CEP170: variants seen among roughly 807,000 people sequenced by gnomAD.
CEP170 encodes the protein centrosomal protein 170.
A neutral mutation model predicts 151.9 loss-of-function variants in CEP170; 21 were observed. That is an observed-to-expected ratio of 0.14 (90% CI 0.10 to 0.20). CEP170 has a LOEUF of 0.20. Ranked by LOEUF, CEP170 falls within the 10% of genes least tolerant of loss-of-function variation. The pLI, the probability that CEP170 is intolerant of heterozygous loss-of-function variation, is 1.00. For missense variants in CEP170, 964 were observed against 1,892.9 expected, an observed-to-expected ratio of 0.51 and a Z score of 9.11; for synonymous variants, 356 against 648.8, an observed-to-expected ratio of 0.55 and a Z score of 6.86.
rs1295977042 is a variant in CEP170, at chr1:243,126,614, C to T, written c.4590G>A (p.Pro1530=). 4 of 1,571,772 alleles carry T rather than the reference C, an allele frequency of 2.5e-6. No homozygotes were observed. The highest frequency in any genetic ancestry group is 1.9e-5 in the Admixed American group (1 of 52,926). The change falls in exon 20 of 20, where the codon CCG becomes CCA. Residue 1530 remains proline, a synonymous_variant. Coordinates refer to ENST00000366542, the MANE Select transcript of CEP170 (RefSeq NM_014812.3). ...KSSPVNNHHS[P]GQTPTLGQPE... ...GTTGGCCAAGTGTTGGTGTCTGACC[C>T]GGGCTGTGGTGGTTATTCACAGGGC... is the stretch of plus-strand genomic sequence containing the variant.
At chr1:243,247,502 C>T (rs866477416) in intron 1 of CEP170, among the ~76,000 whole-genome samples, 11 of 152,120 alleles carry the variant, frequency 7.2e-5, no homozygotes, top group Admixed American at 5.9e-4. Context: ...TACAGGCCTG[C>T]GCCACCACGC....
rs1297253446 is a variant in CEP170 at position 243,185,157 on chromosome 1, C to A, written c.1566+622G>T. On this transcript the variant is annotated intron_variant, in intron 10 of 19. Coordinates refer to ENST00000366542, the MANE Select transcript of CEP170 (RefSeq NM_014812.3). This position sits in a 1 kb window ranked among gnomAD's most constrained non-coding sequence, Gnocchi z 4.9. ...TGCAACAATCCTTACACACGCTAAC[C>A]AATAATATCAAAGAATACACTTGAA... 2.6e-5 allele frequency among the ~76,000 whole-genome samples: 4 copies of A among 152,114 alleles called. No homozygotes were observed. Among genetic ancestry groups the A allele is most frequent in the African/African-American group, 7.2e-5 (3 of 41,412 alleles).
intron 1 of CEP170, among the ~76,000 whole-genome samples, chr1:243,232,198 C>A (rs1361199166): frequency 6.6e-6 from 1 of 152,080 alleles, no homozygotes; most frequent in African/African-American, 2.4e-5. Flanking sequence ...CTCATGAGTT[C>A]AAGCAATCCA....
At chr1:243,168,983 AAATTTT>A (rs2058636462) in intron 12 of CEP170, among the ~76,000 whole-genome samples, 1 of 129,688 alleles carries the variant, frequency 7.7e-6, no homozygotes, top group African/African-American at 3.0e-5. Flanking sequence ...GCTTATTTTT[AAATTTT>A]AACTTATATA....
At chr1:243,237,847 G>A (rs1185614592) in intron 1 of CEP170, among the ~76,000 whole-genome samples, 1 of 152,176 alleles carries the variant, frequency 6.6e-6, no homozygotes, top group African/African-American at 2.4e-5. Flanking sequence ...GGAGGTCGCA[G>A]TGGGCCAAGA....
intron 10 of CEP170, among the ~76,000 whole-genome samples, chr1:243,174,700 A>T (rs2059109174): frequency 6.6e-6 from 1 of 152,228 alleles, no homozygotes; most frequent in Non-Finnish European, 1.5e-5. Context: ...TTTATTTTAA[A>T]TCAAATATGA....
chr1:243,244,016 T>C (rs1011732095), intron 1 of CEP170, among the ~76,000 whole-genome samples: 1 of 152,164 alleles, frequency 6.6e-6, no homozygotes, highest in Non-Finnish European at 1.5e-5. Flanking sequence ...ATAACAGTGA[T>C]TGGTTGGAAA....
At chr1:243,196,849 C>A (rs1025698086) in intron 7 of CEP170, among the ~76,000 whole-genome samples, 48 of 151,990 alleles carry the variant, frequency 3.2e-4, no homozygotes, top group Non-Finnish European at 4.4e-5. Context: ...ATACAGACAT[C>A]ATTTAGAATG....
chr1:243,156,093 G>A (rs2148461216), intron 14 of CEP170, 128 bp downstream of exon 14: 1 of 1,279,784 alleles, frequency 7.8e-7, no homozygotes, highest in South Asian at 1.6e-5. Flanking sequence ...ACTAAACGGA[G>A]TTCACAGTTA....
intron 17 of CEP170, among the ~76,000 whole-genome samples, chr1:243,131,501 AAAAAAACAAAAAAAC>A: frequency 6.6e-6 from 1 of 152,024 alleles, no homozygotes; most frequent in African/African-American, 2.4e-5. Flanking sequence ...AACAAAAAAC[AAAAAAACAAAAAAAC>A]AAAAAACAAT....
intron 17 of CEP170, among the ~76,000 whole-genome samples, chr1:243,131,469 C>G (rs2054397629): frequency 6.6e-6 from 1 of 151,600 alleles, no homozygotes; most frequent in Admixed American, 6.6e-5. Context: ...CCACTGCACT[C>G]CAGCCCATCT....
intron 14 of CEP170, among the ~76,000 whole-genome samples, chr1:243,145,553 G>T (rs1215526008): frequency 6.6e-6 from 1 of 152,222 alleles, no homozygotes; most frequent in East Asian, 1.9e-4. Flanking sequence ...GATTACAGGC[G>T]TGAGCCACTA....
At chr1:243,146,910 C>CCAATTGTGA (rs1330504215) in intron 14 of CEP170, among the ~76,000 whole-genome samples, 2 of 142,896 alleles carry the variant, frequency 1.4e-5, no homozygotes, top group Non-Finnish European at 3.1e-5. Context: ...CCAGTGAAGA[C>CCAATTGTGA]CAATTGTGAA....
chr1:243,241,938 T>C (rs1270616326), intron 1 of CEP170, among the ~76,000 whole-genome samples: 1 of 151,780 alleles, frequency 6.6e-6, no homozygotes, highest in Non-Finnish European at 1.5e-5. Context: ...GAAAACATAT[T>C]AGAGCACAGG....
At chr1:243,224,275 A>C (rs568874967) in intron 2 of CEP170, among the ~76,000 whole-genome samples, 4 of 152,344 alleles carry the variant, frequency 2.6e-5, no homozygotes, top group African/African-American at 9.6e-5. Flanking sequence ...CTGCAAAGAT[A>C]GGCAATTTTG....
intron 8 of CEP170, among the ~76,000 whole-genome samples, chr1:243,190,546 A>G (rs183820785): frequency 4.7e-4 from 71 of 152,314 alleles, no homozygotes; most frequent in Middle Eastern, 6.8e-3. Flanking sequence ...ACCACTGAGA[A>G]TACTTTGAAG....
chr1:243,218,554 G>A (rs1295663947), intron 3 of CEP170, among the ~76,000 whole-genome samples: 1 of 151,988 alleles, frequency 6.6e-6, no homozygotes, highest in African/African-American at 2.4e-5. Flanking sequence ...TAGGTCCCTT[G>A]GGAGTGTATT....
intron 8 of CEP170, among the ~76,000 whole-genome samples, chr1:243,188,707 T>C (rs997709395): frequency 1.3e-5 from 2 of 152,260 alleles, no homozygotes; most frequent in African/African-American, 4.8e-5. Context: ...ACCTGCATTT[T>C]ACTCTTGTAG....
chr1:243,164,680 T>A lies in CEP170; in HGVS notation c.3280A>T (p.Arg1094Trp). The A allele has an allele frequency of 6.2e-7, 1 of 1,613,788 alleles. No homozygotes were observed. The highest frequency in any genetic ancestry group is 8.5e-7 in the Non-Finnish European group (1 of 1,179,718). ...GSSSKSTTLP[R>W]PRPTRTSLLR... Reference sequence around the variant, plus strand: ...AGGGAAGTCCTGGTAGGTCGTGGCCTTGGAAGGGTGGTTGATTTACTAGAT... The same window carrying A: ...AGGGAAGTCCTGGTAGGTCGTGGCCATGGAAGGGTGGTTGATTTACTAGAT... Residue 1094 changes from arginine to tryptophan, a missense_variant, in exon 13 of 20, where the codon AGG becomes TGG. Physicochemically the swap from Arg to Trp is moderately radical, Grantham distance 101 (BLOSUM62 -3). Coordinates refer to ENST00000366542, the MANE Select transcript of CEP170 (RefSeq NM_014812.3).
Sources: gnomAD v4.1 joint callset for allele counts (sites outside exome capture counted in the v4.1 genomes callset) on GRCh38, gnomAD v4.1.1 for gene constraint, Gnocchi (gnomAD v3.1) non-coding constraint, MANE v1.5 for transcripts, NCBI Gene and HGNC (gene_info 2026-07-23, HGNC 2026-07-21) for gene names.